Variants in TMTC2 observed in about 807,000 individuals in gnomAD.
The protein encoded by TMTC2 is protein O-mannosyl-transferase TMTC2.
Under a neutral mutation model 82.4 loss-of-function variants are expected in TMTC2, and 43 were observed. The ratio of observed to expected loss-of-function variants is 0.52; its 90% CI spans 0.41 to 0.67. The LOEUF is 0.67. Among genes scored for constraint, TMTC2 ranks in the 30% least tolerant of loss-of-function variants. TMTC2 has a pLI of 0.00. For missense variants in TMTC2, 919 were observed against 1,012.4 expected (o/e 0.91, Z 1.25); for synonymous variants, 408 against 381.9 (o/e 1.07, Z -0.80).
At chr12:83,064,997 T>G (rs532112164) in intron 11 of TMTC2, among the ~76,000 whole-genome samples, 7 of 152,074 alleles carry the variant, frequency 4.6e-5, no homozygotes, top group Admixed American at 2.6e-4. Context: ...CTAATCTTAC[T>G]CTTAATTTTT....
At chr12:82,986,854 G>T (rs1296635144) in intron 8 of TMTC2, among the ~76,000 whole-genome samples, 1 of 152,148 alleles carries the variant, frequency 6.6e-6, no homozygotes, top group Non-Finnish European at 1.5e-5. Context: ...ATAGTGAATA[G>T]TTTAAAAGTT....
intron 11 of TMTC2, among the ~76,000 whole-genome samples, chr12:83,089,770 T>G (rs1239173474): frequency 6.6e-6 from 1 of 151,308 alleles, no homozygotes; most frequent in Admixed American, 6.6e-5. Context: ...CATGCCCTTT[T>G]TGTAGACAAT....
chr12:82,739,400 G>A (rs1199502400), intron 1 of TMTC2, among the ~76,000 whole-genome samples: 1 of 152,032 alleles, frequency 6.6e-6, no homozygotes, highest in Non-Finnish European at 1.5e-5. Context: ...TAACTTGATT[G>A]CTGTTGTTTC....
At chr12:82,693,100 T>TAA (rs1872645029) in intron 1 of TMTC2, among the ~76,000 whole-genome samples, 3 of 152,208 alleles carry the variant, frequency 2.0e-5, no homozygotes, top group Non-Finnish European at 4.4e-5. Flanking sequence ...TTGTGCATTC[T>TAA]TACCTGTACT....
At chr12:82,868,110 G>A (rs1299547258) in intron 2 of TMTC2, among the ~76,000 whole-genome samples, 1 of 152,168 alleles carries the variant, frequency 6.6e-6, no homozygotes, top group African/African-American at 2.4e-5. Context: ...TATGAATATA[G>A]TAAATGTGTA....
chr12:82,715,275 A>C (rs75065151), intron 1 of TMTC2, among the ~76,000 whole-genome samples: 8 of 141,684 alleles, frequency 5.6e-5, no homozygotes, highest in Non-Finnish European at 9.4e-5. Flanking sequence ...ACTCCATTTC[A>C]AAAAAAAAAA....
chr12:82,795,231 G>T (rs376155558), intron 1 of TMTC2, among the ~76,000 whole-genome samples: 1 of 151,328 alleles, frequency 6.6e-6, no homozygotes, highest in Non-Finnish European at 1.5e-5. Context: ...CTTGAACCTG[G>T]GAGGCAGGGG....
chr12:82,956,641 A>T (rs1283135403), intron 4 of TMTC2, among the ~76,000 whole-genome samples: 1 of 152,048 alleles, frequency 6.6e-6, no homozygotes, highest in African/African-American at 2.4e-5. Flanking sequence ...TTTAGTAGAG[A>T]TGGAGTTTAA....
intron 1 of TMTC2, among the ~76,000 whole-genome samples, chr12:82,705,485 G>T (rs1054657434): frequency 2.0e-5 from 3 of 152,238 alleles, no homozygotes; most frequent in African/African-American, 7.2e-5. Context: ...AGAAGTAATG[G>T]AAGGAAAGGA....
At chr12:82,825,682 C>T (rs1869380543) in intron 1 of TMTC2, among the ~76,000 whole-genome samples, 2 of 152,016 alleles carry the variant, frequency 1.3e-5, no homozygotes, top group Non-Finnish European at 2.9e-5. Flanking sequence ...TTTACATATG[C>T]CATATAAACA....
intron 1 of TMTC2, among the ~76,000 whole-genome samples, chr12:82,776,124 A>G (rs1170478105): frequency 6.6e-6 from 1 of 152,120 alleles, no homozygotes; most frequent in African/African-American, 2.4e-5. Context: ...TACCTACATA[A>G]ATATTAATAC....
intron 1 of TMTC2, among the ~76,000 whole-genome samples, chr12:82,821,061 G>A (rs1269703996): frequency 1.3e-5 from 2 of 151,554 alleles, no homozygotes; most frequent in African/African-American, 4.9e-5. Flanking sequence ...GTCTTGCGAT[G>A]TTGTCAAGGC....
intron 3 of TMTC2, among the ~76,000 whole-genome samples, chr12:82,912,906 T>C (rs1264668788): frequency 7.3e-6 from 1 of 137,258 alleles, no homozygotes; most frequent in Non-Finnish European, 1.5e-5. Context: ...GCCACTGCAC[T>C]CCAGCCTGGG....
chr12:82,907,188 G>A (rs1253089253), intron 3 of TMTC2, among the ~76,000 whole-genome samples: 1 of 152,116 alleles, frequency 6.6e-6, no homozygotes, highest in East Asian at 1.9e-4. Flanking sequence ...TTGGGGCCGG[G>A]CGTGGTGGCT....
At chr12:83,086,294 G>T (rs1024946540) in intron 11 of TMTC2, among the ~76,000 whole-genome samples, 1 of 152,096 alleles carries the variant, frequency 6.6e-6, no homozygotes, top group Non-Finnish European at 1.5e-5. Context: ...ACAGTGGGGC[G>T]GCCGGGCAGA....
intron 2 of TMTC2, among the ~76,000 whole-genome samples, chr12:82,878,456 C>A (rs1283889217): frequency 6.6e-6 from 1 of 152,004 alleles, no homozygotes; most frequent in African/African-American, 2.4e-5. Flanking sequence ...GCAAGTCTTG[C>A]AGAAAAAATA....
At chr12:82,964,792 T>C (rs1376033077) in intron 4 of TMTC2, among the ~76,000 whole-genome samples, 2 of 152,124 alleles carry the variant, frequency 1.3e-5, no homozygotes, top group Non-Finnish European at 2.9e-5. Context: ...AAAAGGCTTT[T>C]AGAAAATACC....
rs1342038168 is a variant in TMTC2, at chr12:82,945,186, A to G, written c.1598+14641A>G. Reference sequence around the variant, plus strand: ...GGGGGAAATCAGAATCCTTTTAGAAATTGGAGCCTGGCAAAAGAAAGATTC... The same window carrying G: ...GGGGGAAATCAGAATCCTTTTAGAAGTTGGAGCCTGGCAAAAGAAAGATTC... On this transcript the variant is annotated intron_variant, in intron 4 of 11. Transcript: ENST00000321196. 2.0e-5 allele frequency among the ~76,000 whole-genome samples: 3 copies of G among 152,182 alleles called. No individual in the cohort carries two copies. In the East Asian group the frequency reaches 5.8e-4, roughly 29 times the overall value.
chr12:82,906,549 G>A (rs533807044), intron 3 of TMTC2, among the ~76,000 whole-genome samples: 2 of 151,852 alleles, frequency 1.3e-5, no homozygotes, highest in South Asian at 2.1e-4. Flanking sequence ...CCTCAAACCC[G>A]CCTGAGGCAG....
Sources: gnomAD v4.1 joint callset for allele counts (sites outside exome capture counted in the v4.1 genomes callset) on GRCh38, gnomAD v4.1.1 for gene constraint, MANE v1.5 for transcripts, NCBI Gene and HGNC (gene_info 2026-07-23, HGNC 2026-07-21) for gene names.